PUM2: variants seen among roughly 807,000 people sequenced by gnomAD.
PUM2 encodes the protein pumilio homolog 2.
PUM2 carries 57 observed loss-of-function variants against 124.5 expected under a neutral mutation model. That is an observed-to-expected ratio of 0.46 (90% CI 0.37 to 0.57). The LOEUF (loss-of-function observed/expected upper bound fraction) is 0.57, where lower values mean the gene tolerates loss of function less well. PUM2 is among the 20% of genes least tolerant of loss of function. The pLI is 0.00. For synonymous variants in PUM2, 460 were observed against 446.1 expected (o/e 1.03, Z -0.39); for missense variants, 1,065 against 1,290.6 (o/e 0.83, Z 2.68).
At chr2:20,287,956 G>A (rs889475197) in intron 10 of PUM2, among the ~76,000 whole-genome samples, 1 of 152,134 alleles carries the variant, frequency 6.6e-6, no homozygotes, top group African/African-American at 2.4e-5. Context: ...AGAAATGTCT[G>A]GTATAAGGAC....
intron 7 of PUM2, among the ~76,000 whole-genome samples, chr2:20,302,155 T>C (rs1055226158): frequency 1.1e-4 from 17 of 152,212 alleles, no homozygotes; most frequent in African/African-American, 3.6e-4. Flanking sequence ...TCAACTGATG[T>C]TCCCGCCTCA....
rs577709558 is a variant in PUM2 at position 20,321,803 on chromosome 2, A to G, written c.52-3158T>C. On this transcript the variant is annotated intron_variant, in intron 2 of 20. Transcript: ENST00000361078. Reference sequence around the variant, plus strand: ...AATATGTTATCCAATACCACTTCATATTAGTTCCCTACTTCACAAACTCTA... The same window carrying G: ...AATATGTTATCCAATACCACTTCATGTTAGTTCCCTACTTCACAAACTCTA... Among the ~76,000 whole-genome samples the G allele has an allele frequency of 2.0e-5, 3 of 152,288 alleles. No homozygotes were observed. In the South Asian group the frequency reaches 6.2e-4, roughly 32 times the overall value.
intron 20 of PUM2, 117 bp downstream of exon 20, chr2:20,253,705 C>T (rs1231487641): frequency 8.3e-6 from 8 of 963,804 alleles, no homozygotes; most frequent in Non-Finnish European, 1.2e-5. Context: ...GGATATCCAT[C>T]GATTTTAATT....
chr2:20,344,981 T>G, intron 1 of PUM2, among the ~76,000 whole-genome samples: 1 of 29,244 alleles, frequency 3.4e-5, no homozygotes, highest in African/African-American at 1.7e-4. Flanking sequence ...AGACTCTGTC[T>G]CAAAAAAAAA....
chr2:20,335,581 C>T (rs961959538), intron 1 of PUM2, among the ~76,000 whole-genome samples: 2 of 152,158 alleles, frequency 1.3e-5, no homozygotes, highest in Non-Finnish European at 2.9e-5. Flanking sequence ...AGAGCTAAAT[C>T]AACAGTCTGT....
intron 15 of PUM2, 97 bp from the exon 16 acceptor site, chr2:20,258,468 A>G (rs1665353394): frequency 7.9e-7 from 1 of 1,263,198 alleles, no homozygotes; most frequent in Non-Finnish European, 1.1e-6. Context: ...TTCTATCAGT[A>G]ACTATGTAGG....
intron 3 of PUM2, 109 bp from the exon 4 acceptor site, chr2:20,312,532 A>G (rs1333780133): frequency 2.0e-6 from 2 of 1,003,594 alleles, no homozygotes; most frequent in Non-Finnish European, 2.9e-6. Context: ...TTTATTTTGA[A>G]TGTTATTACT....
At chr2:20,287,111 C>T (rs1305702387) in intron 10 of PUM2, among the ~76,000 whole-genome samples, 1 of 152,126 alleles carries the variant, frequency 6.6e-6, no homozygotes, top group East Asian at 1.9e-4. Flanking sequence ...GAAACACACC[C>T]CTTCTTAATT....
intron 1 of PUM2, among the ~76,000 whole-genome samples, chr2:20,337,880 T>C (rs1286750337): frequency 6.6e-6 from 1 of 152,176 alleles, no homozygotes; most frequent in Non-Finnish European, 1.5e-5. Flanking sequence ...CCCCATTTTA[T>C]GCCACAGATT....
chr2:20,265,598 ATT>A (rs1221717413), intron 13 of PUM2, among the ~76,000 whole-genome samples: 1 of 152,004 alleles, frequency 6.6e-6, no homozygotes, highest in Non-Finnish European at 1.5e-5. Context: ...TTTGGTTAAA[ATT>A]TTTTCTTAAT....
At chr2:20,337,183 G>C (rs1182969436) in intron 1 of PUM2, among the ~76,000 whole-genome samples, 1 of 152,072 alleles carries the variant, frequency 6.6e-6, no homozygotes, top group Non-Finnish European at 1.5e-5. Flanking sequence ...AAAAAACTGT[G>C]TAAGCCTGCT....
intron 1 of PUM2, among the ~76,000 whole-genome samples, chr2:20,336,135 A>T (rs1685958474): frequency 6.6e-6 from 1 of 152,242 alleles, no homozygotes; most frequent in East Asian, 1.9e-4. Context: ...ATGGAAATGA[A>T]GATGACAAGC....
intron 7 of PUM2, among the ~76,000 whole-genome samples, chr2:20,299,347 G>A (rs778987490): frequency 3.3e-5 from 5 of 152,000 alleles, no homozygotes; most frequent in Non-Finnish European, 7.4e-5. Context: ...AGTCTGTGTT[G>A]TCATGGCATG....
chr2:20,347,108 G>C (rs754484102), intron 1 of PUM2, among the ~76,000 whole-genome samples: 2 of 152,188 alleles, frequency 1.3e-5, no homozygotes, highest in East Asian at 1.9e-4. Context: ...AACAGTGAGA[G>C]AGTAAGATGT....
intron 1 of PUM2, among the ~76,000 whole-genome samples, chr2:20,328,514 G>A (rs765767027): frequency 1.3e-5 from 2 of 152,108 alleles, no homozygotes; most frequent in Non-Finnish European, 2.9e-5. Context: ...ACTCCAAGAC[G>A]ACCCAGGTTA....
intron 1 of PUM2, among the ~76,000 whole-genome samples, chr2:20,343,171 T>G (rs1055714355): frequency 3.9e-5 from 6 of 152,188 alleles, no homozygotes; most frequent in Non-Finnish European, 5.9e-5. Context: ...TAAACTTACT[T>G]TATTCACTTA....
chr2:20,326,050 C>T (rs1217161189), intron 2 of PUM2, among the ~76,000 whole-genome samples: 1 of 152,054 alleles, frequency 6.6e-6, no homozygotes, highest in Non-Finnish European at 1.5e-5. Context: ...AAGTAGTGGC[C>T]AGGAAAGAAC....
intron 1 of PUM2, among the ~76,000 whole-genome samples, chr2:20,333,680 A>G (rs1685392101): frequency 6.6e-6 from 1 of 152,162 alleles, no homozygotes; most frequent in African/African-American, 2.4e-5. Context: ...TGGGAGGCCA[A>G]TATAGAAAGA....
rs1166275022 is a variant in PUM2 at position 20,308,563 on chromosome 2, T to C, written c.540A>G (p.Gln180=). The C allele has an allele frequency of 2.5e-5, 40 of 1,613,142 alleles. No individual in the cohort carries two copies. Among genetic ancestry groups the C allele is most frequent in the Non-Finnish European group, 3.2e-5 (38 of 1,179,554 alleles). The change falls in exon 6 of 21, where the codon CAA becomes CAG. Residue 180 remains glutamine (Q), a synonymous_variant. Transcript: ENST00000361078. Reference sequence around the variant, plus strand: ...GCTCAACTACTTCAGTTGGAGAGGCTTGACGACTTCCAGGAGTACGACTAC... The same window carrying C: ...GCTCAACTACTTCAGTTGGAGAGGCCTGACGACTTCCAGGAGTACGACTAC... ...KDFNRTPGSR[Q]ASPTEVVERL...
Sources: gnomAD v4.1 joint callset for allele counts (sites outside exome capture counted in the v4.1 genomes callset) on GRCh38, gnomAD v4.1.1 for gene constraint, MANE v1.5 for transcripts, NCBI Gene and HGNC (gene_info 2026-07-23, HGNC 2026-07-21) for gene names.